DNM3: variants seen among roughly 807,000 people sequenced by gnomAD.
DNM3 encodes dynamin 3.
A neutral mutation model predicts 101.6 loss-of-function variants in DNM3; 47 were observed. The observed-to-expected ratio is 0.46, with a 90% CI of 0.37 to 0.59. DNM3 has a LOEUF of 0.59. DNM3 is among the 20% of genes least tolerant of loss of function. DNM3 has a pLI of 0.00. For synonymous variants in DNM3, 385 were observed against 387.9 expected (o/e 0.99, Z 0.09); for missense variants, 849 against 1,085.7 (o/e 0.78, Z 3.06).
chr1:172,059,008 G>C (rs1352044343), intron 10 of DNM3, among the ~76,000 whole-genome samples: 2 of 152,030 alleles, frequency 1.3e-5, no homozygotes, highest in Non-Finnish European at 2.9e-5. Flanking sequence ...AATGATAAAG[G>C]GGATATCACC....
Position 171,841,693 on chromosome 1 carries a change from G to C in DNM3, c.37G>C (p.Val13Leu). 1 of 1,612,032 alleles carries C rather than the reference G, an allele frequency of 6.2e-7. No individual in the cohort carries two copies. The highest frequency in any genetic ancestry group is 8.5e-7 in the Non-Finnish European group (1 of 1,179,392). ...GGAGATGGAGGAGCTGATCCCGCTG[G>C]TGAACCGTCTGCAGGACGCGTTTTC... is the stretch of plus-strand genomic sequence containing the variant. ...NREMEELIPL[V>L]NRLQDAFSAL... Residue 13 changes from valine to leucine, a missense_variant, in exon 1 of 21, where the codon GTG (valine) becomes CTG (leucine). Around this residue, in one of 5 missense-constraint regions of DNM3, gnomAD observed 388 missense variants for 483.0 expected, o/e 0.80. Coordinates refer to ENST00000627582, the MANE Select transcript of DNM3 (RefSeq NM_015569.5).
chr1:171,945,094 T>C (rs1202099816), intron 2 of DNM3, among the ~76,000 whole-genome samples: 2 of 151,974 alleles, frequency 1.3e-5, no homozygotes, highest in Non-Finnish European at 2.9e-5. Context: ...GGTCTAGAAC[T>C]CCTGGGCTCA....
intron 15 of DNM3, among the ~76,000 whole-genome samples, chr1:172,295,337 A>T (rs1454399749): frequency 2.0e-5 from 3 of 152,224 alleles, no homozygotes; most frequent in Non-Finnish European, 4.4e-5. Context: ...CAAGATAAAC[A>T]TGTAGAGTTC....
chr1:172,079,597 C>T (rs2052967802), intron 11 of DNM3, among the ~76,000 whole-genome samples: 1 of 152,086 alleles, frequency 6.6e-6, no homozygotes, highest in East Asian at 1.9e-4. Context: ...TTTGTTATTA[C>T]CCACCTTGTG....
At chr1:172,072,523 C>T (rs1240749349) in intron 11 of DNM3, among the ~76,000 whole-genome samples, 1 of 152,118 alleles carries the variant, frequency 6.6e-6, no homozygotes, top group African/African-American at 2.4e-5. Context: ...GTACTGAGTA[C>T]AAAACAAGAA....
intron 7 of DNM3, among the ~76,000 whole-genome samples, chr1:172,038,742 G>T (rs2049146643): frequency 6.6e-6 from 1 of 152,106 alleles, no homozygotes; most frequent in Admixed American, 6.6e-5. Context: ...TGACCCAGCA[G>T]GAATTTTTGT....
Position 172,183,214 on chromosome 1 carries a change from C to T in DNM3, c.1659+51926C>T, listed in dbSNP as rs550202961. Among the ~76,000 whole-genome samples the T allele has an allele frequency of 9.9e-5, 15 of 152,204 alleles. No individual in the cohort carries two copies. The South Asian group carries it at 2.3e-3, about 23-fold the overall frequency. On this transcript the variant is annotated intron_variant, in intron 14 of 20. Coordinates refer to ENST00000627582, the MANE Select transcript of DNM3 (RefSeq NM_015569.5). ...AGATCATGCCTGTTATTCTCCATATCGTCTCCACATACTACCCAATAGAGA... is the reference window on the plus strand; with the variant it reads ...AGATCATGCCTGTTATTCTCCATATTGTCTCCACATACTACCCAATAGAGA...
chr1:172,236,473 G>T (rs1172710593), intron 14 of DNM3, among the ~76,000 whole-genome samples: 2 of 152,020 alleles, frequency 1.3e-5, no homozygotes, highest in Non-Finnish European at 1.5e-5. Flanking sequence ...AACATTGGTA[G>T]TTAAAAATAA....
intron 1 of DNM3, among the ~76,000 whole-genome samples, chr1:171,880,441 G>A (rs977017459): frequency 6.6e-6 from 1 of 152,046 alleles, no homozygotes; most frequent in Non-Finnish European, 1.5e-5. Context: ...TTTTCCACTG[G>A]TGATTATGCT....
chr1:172,239,316 G>A lies in DNM3; in HGVS notation c.1660-14257G>A, dbSNP rs535584548. ...AAAAGCTTGCTGTTGTAAATACATT[G>A]AAGAGAGAACACCATACTGTGTTTA... On this transcript the variant is annotated intron_variant, in intron 14 of 20. Coordinates refer to ENST00000627582, the MANE Select transcript of DNM3 (RefSeq NM_015569.5). Among the ~76,000 whole-genome samples, 12 of 152,262 alleles carry A rather than the reference G, an allele frequency of 7.9e-5. No homozygotes were observed. In the East Asian group the frequency reaches 1.7e-3, roughly 22 times the overall value.
At chr1:172,278,421 T>TA (rs982110985) in intron 15 of DNM3, among the ~76,000 whole-genome samples, 6 of 152,050 alleles carry the variant, frequency 3.9e-5, no homozygotes, top group African/African-American at 1.2e-4. Context: ...GCTGATGAGC[T>TA]AAAAAAAATT....
At chr1:171,853,367 A>G (rs138939949) in intron 1 of DNM3, among the ~76,000 whole-genome samples, 97 of 152,158 alleles carry the variant, frequency 6.4e-4, no homozygotes, top group Middle Eastern at 3.4e-3. Flanking sequence ...GGGTCTCCCT[A>G]TGTTGTCCAG....
chr1:172,165,841 C>A (rs2058723541), intron 14 of DNM3, among the ~76,000 whole-genome samples: 1 of 151,916 alleles, frequency 6.6e-6, no homozygotes, highest in Admixed American at 6.6e-5. Context: ...AAAGTCAGGA[C>A]CTTATATATT....
At chr1:171,911,049 A>G (rs2039253866) in intron 1 of DNM3, among the ~76,000 whole-genome samples, 1 of 152,202 alleles carries the variant, frequency 6.6e-6, no homozygotes, top group Non-Finnish European at 1.5e-5. Context: ...CTGTTCTGGG[A>G]ATAAAAAGTT....
intron 14 of DNM3, among the ~76,000 whole-genome samples, chr1:172,237,533 T>C (rs2061591464): frequency 6.6e-6 from 1 of 152,148 alleles, no homozygotes; most frequent in African/African-American, 2.4e-5. Flanking sequence ...CTTCAACCCT[T>C]TCGAGAGAAT....
intron 13 of DNM3, among the ~76,000 whole-genome samples, chr1:172,099,555 G>A (rs1477565837): frequency 6.6e-6 from 1 of 151,444 alleles, no homozygotes; most frequent in Non-Finnish European, 1.5e-5. Flanking sequence ...AATATACTCT[G>A]AGCTTGTGCC....
intron 15 of DNM3, among the ~76,000 whole-genome samples, chr1:172,301,943 T>G (rs1227014409): frequency 6.6e-6 from 1 of 152,122 alleles, no homozygotes; most frequent in East Asian, 1.9e-4. Context: ...ACAGCTCTGG[T>G]CTGCAGCTCC....
At chr1:171,878,599 T>A (rs1428561717) in intron 1 of DNM3, among the ~76,000 whole-genome samples, 2 of 152,122 alleles carry the variant, frequency 1.3e-5, no homozygotes, top group Admixed American at 6.6e-5. Flanking sequence ...ATTCCCTTCT[T>A]TTTCTGCATG....
intron 14 of DNM3, among the ~76,000 whole-genome samples, chr1:172,199,735 C>T (rs549661412): frequency 7.9e-5 from 12 of 151,998 alleles, no homozygotes; most frequent in Admixed American, 5.3e-4. Flanking sequence ...CCTGCTTTTG[C>T]CTGTTTTCCA....
Sources: gnomAD v4.1 joint callset for allele counts (sites outside exome capture counted in the v4.1 genomes callset) on GRCh38, gnomAD v4.1.1 for gene constraint, gnomAD v4.1.1 regional missense constraint, MANE v1.5 for transcripts, NCBI Gene and HGNC (gene_info 2026-07-23, HGNC 2026-07-21) for gene names.